MAP3K9: variants seen among roughly 807,000 people sequenced by gnomAD.
The protein encoded by MAP3K9 is mixed lineage kinase 1 (tyr and ser/thr specificity).
MAP3K9 carries 46 observed loss-of-function variants against 95.8 expected under a neutral mutation model. The observed-to-expected ratio is 0.48, with a 90% CI of 0.38 to 0.61. The LOEUF is 0.61. MAP3K9 is among the 20% of genes least tolerant of loss of function. The probability of loss-of-function intolerance (pLI) is 0.00; values close to 1 mark genes in which losing one functional copy is unlikely to be tolerated. For synonymous variants in MAP3K9, 533 were observed against 593.8 expected, an observed-to-expected ratio of 0.90 and a Z score of 1.49; for missense variants, 1,296 against 1,474.3, an observed-to-expected ratio of 0.88 and a Z score of 1.98.
At position 70,809,272 on chromosome 14, in the gene MAP3K9, A is replaced by G. The variant is rs2055039878; in HGVS notation, c.-101T>C. ...GCAGAGCTGGGAGGACCCCCCCCCAACGACGGCGGCCGCAGGTAGGGCCCG... is the reference window on the plus strand; with the variant it reads ...GCAGAGCTGGGAGGACCCCCCCCCAGCGACGGCGGCCGCAGGTAGGGCCCG... On this transcript the variant is annotated 5_prime_UTR_variant, in exon 1 of 12. Transcript: ENST00000554752. The G allele has an allele frequency of 8.4e-7, 1 of 1,194,508 alleles. No homozygotes were observed. Among genetic ancestry groups the G allele is most frequent in the East Asian group, 3.3e-5 (1 of 29,946 alleles). 74.0% of individuals were successfully genotyped at this position (1,194,508 alleles called of 1,614,324 possible).
At chr14:70,749,643 A>G in intron 4 of MAP3K9, 1 of 331,454 alleles carries the variant, frequency 3.0e-6, no homozygotes, top group East Asian at 5.4e-5. Context: ...TCCTGACATA[A>G]AAGTTGCTGT....
chr14:70,798,172 A>G (rs1239952810), intron 2 of MAP3K9, among the ~76,000 whole-genome samples: 1 of 152,218 alleles, frequency 6.6e-6, no homozygotes. Flanking sequence ...TTTCCTGCAT[A>G]AGAGCCTCCA....
At chr14:70,781,248 A>G (rs2054672059) in intron 2 of MAP3K9, among the ~76,000 whole-genome samples, 1 of 152,234 alleles carries the variant, frequency 6.6e-6, no homozygotes, top group Non-Finnish European at 1.5e-5. Flanking sequence ...GCCACTATGT[A>G]AGGCCAAGAG....
intron 11 of MAP3K9, 113 bp downstream of exon 11, chr14:70,732,426 A>C: frequency 7.0e-7 from 1 of 1,423,198 alleles, no homozygotes; most frequent in Non-Finnish European, 9.2e-7. Flanking sequence ...GGCTAAGAGG[A>C]GGAATGGTGT....
At chr14:70,785,373 A>G (rs529900945) in intron 2 of MAP3K9, among the ~76,000 whole-genome samples, 1 of 152,332 alleles carries the variant, frequency 6.6e-6, no homozygotes, top group South Asian at 2.1e-4. Context: ...TTTTTCCTAT[A>G]CATTCATACC....
rs1440832231 is a variant in MAP3K9, at chr14:70,727,682, T to A, written c.*2698A>T. ...AGTCAGGGGCCCATCAGAGACCAGG[T>A]GTGTAGGAGCTGAGAGATGGTAACT... On this transcript the variant is annotated 3_prime_UTR_variant, in exon 12 of 12. Coordinates refer to ENST00000554752, the MANE Select transcript of MAP3K9 (RefSeq NM_001284230.2). 1 of 152,294 alleles carries A rather than the reference T, an allele frequency of 6.6e-6. No individual in the cohort carries two copies. Among genetic ancestry groups the A allele is most frequent in the Non-Finnish European group, 1.5e-5 (1 of 68,136 alleles). 9.4% of individuals were successfully genotyped at this position (152,294 alleles called of 1,614,324 possible). A position where few individuals can be genotyped will look rare whatever the true frequency, so the allele number is the denominator to read the frequency against.
chr14:70,728,582 G>T lies in MAP3K9; in HGVS notation c.*1798C>A, dbSNP rs527656781. The T allele has an allele frequency of 6.6e-6, 1 of 152,202 alleles. No individual in the cohort carries two copies. The highest frequency in any genetic ancestry group is 2.4e-5 in the African/African-American group (1 of 41,444). 9.4% of individuals were successfully genotyped at this position (152,202 alleles called of 1,614,324 possible). On this transcript the variant is annotated 3_prime_UTR_variant, in exon 12 of 12. Transcript: ENST00000554752. ...ACATATTGGCTTCACTGAACAAAGA[G>T]AAGGACACAGAAGAGAAGCAATAAC...
intron 3 of MAP3K9, among the ~76,000 whole-genome samples, chr14:70,752,039 A>G (rs2054110502): frequency 6.6e-6 from 1 of 152,194 alleles, no homozygotes; most frequent in Admixed American, 6.5e-5. Context: ...TTATTCATTC[A>G]TCAGATGACG....
chr14:70,796,499 G>T (rs914270345), intron 2 of MAP3K9, among the ~76,000 whole-genome samples: 1 of 152,148 alleles, frequency 6.6e-6, no homozygotes, highest in Non-Finnish European at 1.5e-5. Context: ...TTCCTTAGCG[G>T]CAATGCCCTT....
Position 70,740,113 on chromosome 14 carries a change from T to C in MAP3K9, c.1619A>G (p.Lys540Arg). Residue 540 changes from lysine (K) to arginine (R), a missense_variant, in exon 7 of 12, where the codon AAG (lysine) becomes AGG (arginine). By Grantham distance (26) the Lys-to-Arg change is conservative (BLOSUM62 2). Around this residue, in one of 5 missense-constraint regions of MAP3K9, gnomAD observed 377 missense variants for 417.1 expected, o/e 0.90. Coordinates refer to ENST00000554752, the MANE Select transcript of MAP3K9 (RefSeq NM_001284230.2). ...ACTGGAGCGGCTGTTGATAAGACTC[T>C]TCCTTTTATCCATGGTAGGGGAGGC... ...VQASPTMDKR[K>R]SLINSRSSPP... 6.2e-7 allele frequency: 1 copy of C among 1,614,200 alleles called. No homozygotes were observed. Among genetic ancestry groups the C allele is most frequent in the Non-Finnish European group, 8.5e-7 (1 of 1,180,022 alleles).
intron 3 of MAP3K9, among the ~76,000 whole-genome samples, chr14:70,756,807 A>G (rs2054305077): frequency 6.6e-6 from 1 of 152,176 alleles, no homozygotes; most frequent in Admixed American, 6.5e-5. Context: ...TTTTTGAAAG[A>G]GAATATGCTT....
chr14:70,754,945 A>G (rs1274615835), intron 3 of MAP3K9, among the ~76,000 whole-genome samples: 1 of 152,170 alleles, frequency 6.6e-6, no homozygotes, highest in Non-Finnish European at 1.5e-5. Flanking sequence ...GCAGTCCCCA[A>G]TCCAAGCAGA....
At chr14:70,771,308 G>A (rs2054529182) in intron 2 of MAP3K9, among the ~76,000 whole-genome samples, 1 of 152,124 alleles carries the variant, frequency 6.6e-6, no homozygotes, top group Non-Finnish European at 1.5e-5. Context: ...TAGGGAGAAG[G>A]AAACTAGCAT....
chr14:70,809,258 A>C lies in MAP3K9; in HGVS notation c.-87T>G. ...GTTCATGCGCCTCCGCAGAGCTGGG[A>C]GGACCCCCCCCCAACGACGGCGGCC... On this transcript the variant is annotated 5_prime_UTR_variant, in exon 1 of 12. Coordinates refer to ENST00000554752, the MANE Select transcript of MAP3K9 (RefSeq NM_001284230.2). 8 of 1,255,576 alleles carry C rather than the reference A, an allele frequency of 6.4e-6. No homozygotes were observed. The highest frequency in any genetic ancestry group is 8.0e-6 in the Non-Finnish European group (8 of 1,003,326). The allele number at this position is 1,255,576 out of a possible 1,614,324, so 77.8% of individuals were successfully genotyped here. A position where few individuals can be genotyped will look rare whatever the true frequency, so the allele number is the denominator to read the frequency against.
chr14:70,774,805 T>C (rs1357425637), intron 2 of MAP3K9, among the ~76,000 whole-genome samples: 2 of 151,692 alleles, frequency 1.3e-5, no homozygotes, highest in East Asian at 3.9e-4. Context: ...GCTAACATGG[T>C]GAAACCCCAT....
chr14:70,802,887 T>G (rs915857709), intron 1 of MAP3K9, among the ~76,000 whole-genome samples: 1 of 152,086 alleles, frequency 6.6e-6, no homozygotes, highest in African/African-American at 2.4e-5. Context: ...TTGATATGGT[T>G]TGGATATTTG....
At position 70,733,010 on chromosome 14, in the gene MAP3K9, C is replaced by G. The variant is rs748151841; in HGVS notation, c.2359G>C (p.Ala787Pro). 6.2e-7 allele frequency: 1 copy of G among 1,614,212 alleles called. No individual in the cohort carries two copies. The highest frequency in any genetic ancestry group is 8.5e-7 in the Non-Finnish European group (1 of 1,180,048). ...LLPLEEPEPP[A>P]REEKKRREGL... The stretch of plus-strand genomic sequence containing the variant: ...TCCCGTCTTTTCTTCTCCTCCCGGG[C>G]TGGTGGCTCAGGCTCCTCCAGGGGA... Residue 787 changes from alanine to proline, a missense_variant, in exon 11 of 12, where the codon GCC becomes CCC. Physicochemically the swap from Ala to Pro is conservative, Grantham distance 27. Around this residue, in one of 5 missense-constraint regions of MAP3K9, gnomAD observed 433 missense variants for 441.4 expected, o/e 0.98. Coordinates refer to ENST00000554752, the MANE Select transcript of MAP3K9 (RefSeq NM_001284230.2).
At chr14:70,733,643 C>T (rs2053944745) in intron 10 of MAP3K9, 1 of 696,528 alleles carries the variant, frequency 1.4e-6, no homozygotes, top group Admixed American at 2.1e-5. Context: ...ATCCACTTGA[C>T]TGGACTGAGG....
chr14:70,767,653 C>T (rs562354911), intron 2 of MAP3K9, among the ~76,000 whole-genome samples: 22 of 152,162 alleles, frequency 1.4e-4, no homozygotes, highest in African/African-American at 5.1e-4. Context: ...CTTATCTCAA[C>T]GGCCTTTCGC....
Sources: allele counts gnomAD v4.1 joint callset (sites outside exome capture counted in the v4.1 genomes callset), GRCh38; gene constraint gnomAD v4.1.1; regional missense constraint gnomAD v4.1.1; transcripts MANE v1.5; gene names NCBI Gene and HGNC (gene_info 2026-07-23, HGNC 2026-07-21).